The following RIMS4 variants were observed in gnomAD, a reference collection of about 807,000 sequenced individuals.
The protein encoded by RIMS4 is regulating synaptic membrane exocytosis protein 4.
A neutral mutation model predicts 29.0 loss-of-function variants in RIMS4; 9 were observed. The ratio of observed to expected loss-of-function variants is 0.31; its 90% CI spans 0.19 to 0.54. The LOEUF is 0.54. Ranked by LOEUF, RIMS4 falls within the 20% of genes least tolerant of loss-of-function variation. The pLI, the probability that RIMS4 is intolerant of heterozygous loss-of-function variation, is 0.94. For synonymous variants in RIMS4, 130 were observed against 152.9 expected (o/e 0.85, Z 1.10); for missense variants, 193 against 365.7 (o/e 0.53, Z 3.85).
chr20:44,778,631 C>T (rs1482227386), intron 1 of RIMS4, among the ~76,000 whole-genome samples: 2 of 152,228 alleles, frequency 1.3e-5, no homozygotes, highest in Admixed American at 6.5e-5. Flanking sequence ...CATTGCTGCA[C>T]TACAGCCTGG....
intron 1 of RIMS4, among the ~76,000 whole-genome samples, chr20:44,807,203 G>C (rs908002674): frequency 6.6e-6 from 1 of 152,210 alleles, no homozygotes; most frequent in African/African-American, 2.4e-5. Flanking sequence ...GATGCCCCTT[G>C]AGAGGAATTC....
At chr20:44,793,059 G>T (rs929054183) in intron 1 of RIMS4, among the ~76,000 whole-genome samples, 1 of 152,122 alleles carries the variant, frequency 6.6e-6, no homozygotes, top group Non-Finnish European at 1.5e-5. Context: ...CCAGGATGGG[G>T]GTAGGGAGAG....
chr20:44,809,906 G>C (rs1325206202), intron 1 of RIMS4, among the ~76,000 whole-genome samples: 1 of 152,030 alleles, frequency 6.6e-6, no homozygotes, highest in East Asian at 1.9e-4. Context: ...CCTCCAATAG[G>C]CGCGGGTGAG....
At chr20:44,764,114 TTATC>T (rs2066099737) in intron 2 of RIMS4, among the ~76,000 whole-genome samples, 1 of 30,130 alleles carries the variant, frequency 3.3e-5, no homozygotes, top group African/African-American at 1.2e-4. Context: ...GTCCATCCAT[TTATC>T]CATCCATCCA....
At chr20:44,775,896 T>C (rs951799260) in intron 1 of RIMS4, among the ~76,000 whole-genome samples, 5 of 152,266 alleles carry the variant, frequency 3.3e-5, no homozygotes, top group Admixed American at 2.0e-4. Flanking sequence ...TTCTATGTCA[T>C]TTGAATTTTA....
At chr20:44,776,522 A>T (rs2066160824) in intron 1 of RIMS4, among the ~76,000 whole-genome samples, 1 of 152,078 alleles carries the variant, frequency 6.6e-6, no homozygotes, top group Admixed American at 6.6e-5. Context: ...CAAATTTCTA[A>T]CCATCCTCCA....
At chr20:44,804,912 A>T (rs1424755964) in intron 1 of RIMS4, among the ~76,000 whole-genome samples, 2 of 152,190 alleles carry the variant, frequency 1.3e-5, no homozygotes, top group Admixed American at 6.5e-5. Flanking sequence ...ACCACAGCAG[A>T]CCTGCAGACC....
At chr20:44,782,032 GA>G (rs925938799) in intron 1 of RIMS4, among the ~76,000 whole-genome samples, 1 of 152,208 alleles carries the variant, frequency 6.6e-6, no homozygotes, top group Admixed American at 6.5e-5. Context: ...TCTGGAGCCA[GA>G]AAAACTGAGT....
intron 2 of RIMS4, among the ~76,000 whole-genome samples, chr20:44,760,635 A>G (rs564827493): frequency 6.6e-6 from 1 of 152,218 alleles, no homozygotes; most frequent in Non-Finnish European, 1.5e-5. Context: ...GCTACTGGAC[A>G]CGAGCCCTCA....
intron 1 of RIMS4, among the ~76,000 whole-genome samples, chr20:44,776,645 GT>G (rs2066161360): frequency 6.6e-6 from 1 of 152,124 alleles, no homozygotes; most frequent in Non-Finnish European, 1.5e-5. Context: ...AGCACTAAAT[GT>G]TAACAAGCAA....
At position 44,810,494 on chromosome 20, in the gene RIMS4, G is replaced by GCGGCGGCGGCGGCGGCGC. The variant is rs1451268936; in HGVS notation, c.-224_-223insGCGCCGCCGCCGCCGCCG. ...GAGCCCGAGGCGCGCTGTGCTGCTGGCGGCGGCGGCGGCGGCGGCGGTGGC... is the reference window on the plus strand; with the variant it reads ...GAGCCCGAGGCGCGCTGTGCTGCTGGCGGCGGCGGCGGCGGCGCCGGCGGCGGCGGCGGCGGCGGTGGC... On this transcript the variant is annotated 5_prime_UTR_variant, in exon 1 of 6. Coordinates refer to ENST00000372851, the MANE Select transcript of RIMS4 (RefSeq NM_182970.4). 8.0e-6 allele frequency among the ~76,000 whole-genome samples: 1 copy of GCGGCGGCGGCGGCGGCGC among 125,100 alleles called. No individual in the cohort carries two copies. The highest frequency in any genetic ancestry group is 7.4e-5 in the Admixed American group (1 of 13,526). The allele number at this position is 125,100 out of a possible 152,430, so 82.1% of individuals were successfully genotyped here. A position where few individuals can be genotyped will look rare whatever the true frequency, so the allele number is the denominator to read the frequency against.
At chr20:44,789,512 G>A (rs1422254365) in intron 1 of RIMS4, among the ~76,000 whole-genome samples, 1 of 152,046 alleles carries the variant, frequency 6.6e-6, no homozygotes, top group African/African-American at 2.4e-5. Flanking sequence ...TAGCCAGGAT[G>A]GTCTCAATCT....
At chr20:44,783,614 C>G (rs1271708098) in intron 1 of RIMS4, among the ~76,000 whole-genome samples, 1 of 151,346 alleles carries the variant, frequency 6.6e-6, no homozygotes, top group Non-Finnish European at 1.5e-5. Flanking sequence ...ACAGGGAGAC[C>G]CTGTCTCAAA....
At chr20:44,764,255 C>CATCCATCCATCCATCCATT (rs1325046131) in intron 2 of RIMS4, among the ~76,000 whole-genome samples, 106 of 144,324 alleles carry the variant, frequency 7.3e-4, no homozygotes, top group Non-Finnish European at 9.3e-4. Context: ...TCCATCCATC[C>CATCCATCCATCCATCCATT]TCCCACAAAC....
intron 1 of RIMS4, among the ~76,000 whole-genome samples, chr20:44,796,536 C>G (rs1179522841): frequency 2.6e-5 from 4 of 152,272 alleles, no homozygotes; most frequent in African/African-American, 9.6e-5. Flanking sequence ...CCCTGCCCTG[C>G]AGGGGCTCAC....
chr20:44,753,088 C>T lies in RIMS4; in HGVS notation c.*3046G>A, dbSNP rs544245407. ...CTGTCGCCTGAAGAACAATGGAGCC[C>T]CTAGTTCTTCCCCCTTTGCACCCTT... On this transcript the variant is annotated 3_prime_UTR_variant, in exon 6 of 6. Transcript: ENST00000372851. 4 of 152,876 alleles carry T rather than the reference C, an allele frequency of 2.6e-5. No individual in the cohort carries two copies. The highest frequency in any genetic ancestry group is 1.9e-4 in the East Asian group (1 of 5,186). 9.5% of individuals were successfully genotyped at this position (152,876 alleles called of 1,614,324 possible). A position where few individuals can be genotyped will look rare whatever the true frequency, so the allele number is the denominator to read the frequency against.
In RIMS4 at chr20:44,753,101, C is replaced by T. The variant is rs1029825447; in HGVS notation, c.*3033G>A. Reference sequence around the variant, plus strand: ...AACAATGGAGCCCCTAGTTCTTCCCCCTTTGCACCCTTGCTGAGGGGTCTT... The same window carrying T: ...AACAATGGAGCCCCTAGTTCTTCCCTCTTTGCACCCTTGCTGAGGGGTCTT... On this transcript the variant is annotated 3_prime_UTR_variant, in exon 6 of 6. Coordinates refer to ENST00000372851, the MANE Select transcript of RIMS4 (RefSeq NM_182970.4). 6.5e-6 allele frequency: 1 copy of T among 152,738 alleles called. No homozygotes were observed. The highest frequency in any genetic ancestry group is 2.4e-5 in the African/African-American group (1 of 41,466). The allele number at this position is 152,738 out of a possible 1,614,324, so 9.5% of individuals were successfully genotyped here. A position where few individuals can be genotyped will look rare whatever the true frequency, so the allele number is the denominator to read the frequency against.
At chr20:44,800,429 T>C (rs113231338) in intron 1 of RIMS4, among the ~76,000 whole-genome samples, 2 of 151,980 alleles carry the variant, frequency 1.3e-5, no homozygotes, top group Non-Finnish European at 2.9e-5. Context: ...GGATGGGACA[T>C]GAGGATCAGA....
At chr20:44,776,652 A>T (rs1257196647) in intron 1 of RIMS4, among the ~76,000 whole-genome samples, 1 of 152,220 alleles carries the variant, frequency 6.6e-6, no homozygotes, top group Non-Finnish European at 1.5e-5. Context: ...AATGTTAACA[A>T]GCAAGCAACG....
Sources: gnomAD v4.1 joint callset for allele counts (sites outside exome capture counted in the v4.1 genomes callset) on GRCh38, gnomAD v4.1.1 for gene constraint, MANE v1.5 for transcripts, NCBI Gene and HGNC (gene_info 2026-07-23, HGNC 2026-07-21) for gene names.